The following PLXNA4 variants were observed in gnomAD, a reference collection of about 807,000 sequenced individuals.
The protein encoded by PLXNA4 is plexin-A4.
PLXNA4 carries 44 observed loss-of-function variants against 191.8 expected under a neutral mutation model. The ratio of observed to expected loss-of-function variants is 0.23; its 90% CI spans 0.18 to 0.29. The LOEUF (loss-of-function observed/expected upper bound fraction) is 0.29. Among genes scored for constraint, PLXNA4 ranks in the 10% least tolerant of loss-of-function variants. The probability of loss-of-function intolerance (pLI) is 1.00; values close to 1 mark genes in which losing one functional copy is unlikely to be tolerated. For synonymous variants in PLXNA4, 1,082 were observed against 1,009.5 expected, an observed-to-expected ratio of 1.07 and a Z score of -1.36; for missense variants, 1,800 against 2,488.8, an observed-to-expected ratio of 0.72 and a Z score of 5.89.
intron 4 of PLXNA4, among the ~76,000 whole-genome samples, chr7:132,295,544 C>T (rs1801044316): frequency 6.6e-6 from 1 of 152,142 alleles, no homozygotes; most frequent in Admixed American, 6.5e-5. Context: ...AGTCTTGATA[C>T]CCTGGGTCTG....
intron 21 of PLXNA4, among the ~76,000 whole-genome samples, chr7:132,170,848 C>T (rs1321776660): frequency 1.3e-5 from 2 of 152,262 alleles, no homozygotes; most frequent in Admixed American, 6.5e-5. Context: ...TTTCATTTCT[C>T]TCACTGTGGT....
intron 3 of PLXNA4, among the ~76,000 whole-genome samples, chr7:132,450,137 T>G (rs1280174776): frequency 6.6e-6 from 1 of 152,176 alleles, no homozygotes; most frequent in Admixed American, 6.5e-5. Context: ...ACAGAGGCCA[T>G]GCAACTTGCT....
intron 1 of PLXNA4, among the ~76,000 whole-genome samples, chr7:132,648,176 C>T (rs543534722): frequency 6.6e-6 from 1 of 152,170 alleles, no homozygotes; most frequent in East Asian, 1.9e-4. Flanking sequence ...CACACATATA[C>T]TCATGTACAC....
intron 3 of PLXNA4, among the ~76,000 whole-genome samples, chr7:132,453,399 A>G (rs771847945): frequency 2.0e-5 from 3 of 152,072 alleles, no homozygotes; most frequent in Non-Finnish European, 4.4e-5. Flanking sequence ...CCCTTTTTGG[A>G]TCCCACCCTA....
intron 4 of PLXNA4, among the ~76,000 whole-genome samples, chr7:132,246,635 C>G (rs1562989501): frequency 6.6e-6 from 1 of 152,200 alleles, no homozygotes; most frequent in Non-Finnish European, 1.5e-5. Flanking sequence ...TCCTTTCCCC[C>G]TAGATCACCT....
At chr7:132,292,569 G>A (rs1198077699) in intron 4 of PLXNA4, among the ~76,000 whole-genome samples, 1 of 152,140 alleles carries the variant, frequency 6.6e-6, no homozygotes. Context: ...TCTCAAAGAA[G>A]GGCTGCTCTT....
chr7:132,164,760 G>A (rs116565826), intron 23 of PLXNA4, among the ~76,000 whole-genome samples: 1,839 of 152,342 alleles, frequency 0.012, 34 homozygotes, highest in African/African-American at 0.042. Flanking sequence ...CTTCTGCACC[G>A]GCCGGGGGGC....
intron 5 of PLXNA4, 34 bp from the exon 6 acceptor site, chr7:132,228,503 A>T (rs1584873157): frequency 6.2e-7 from 1 of 1,612,538 alleles, no homozygotes; most frequent in East Asian, 2.2e-5. Context: ...TACTCAGGAG[A>T]TGGCCGCTTG....
chr7:132,640,386 A>G (rs1381257681), intron 2 of PLXNA4, among the ~76,000 whole-genome samples: 1 of 152,204 alleles, frequency 6.6e-6, no homozygotes, highest in Non-Finnish European at 1.5e-5. Context: ...TAATTTGTTG[A>G]GGCCCTAAGC....
At chr7:132,180,761 AC>A in intron 18 of PLXNA4, 29 bp from the exon 19 acceptor site, 1 of 1,597,308 alleles carries the variant, frequency 6.3e-7, no homozygotes. Context: ...ACCAGTTCCC[AC>A]CCCAGAGTGA....
intron 3 of PLXNA4, among the ~76,000 whole-genome samples, chr7:132,302,861 TTTC>T (rs1402006382): frequency 6.6e-6 from 1 of 152,018 alleles, no homozygotes; most frequent in African/African-American, 2.4e-5. Flanking sequence ...ACAAATTAGA[TTTC>T]TTTTTTGTTT....
In PLXNA4 at chr7:132,127,417, G is replaced by C. The variant is rs1299953894; in HGVS notation, c.*3062C>G. 6.6e-6 allele frequency: 1 copy of C among 152,114 alleles called. No homozygotes were observed. The allele number at this position is 152,114 out of a possible 1,614,324, so 9.4% of individuals were successfully genotyped here. On this transcript the variant is annotated 3_prime_UTR_variant, in exon 32 of 32. Coordinates refer to ENST00000321063, the MANE Select transcript of PLXNA4 (RefSeq NM_020911.2). ...CCCGCAAGCCACATGGACAGCCCCT[G>C]GATGTTTGCTCTGCCAGTGGGGTAA...
chr7:132,194,143 C>G lies in PLXNA4; in HGVS notation c.2775G>C (p.Gln925His), dbSNP rs1264699732. The change falls in exon 14 of 32, where the codon CAG becomes CAC. Residue 925 changes from glutamine to histidine, a missense_variant. By Grantham distance (24) the Gln-to-His change is conservative. Around this residue, in one of 6 missense-constraint regions of PLXNA4, gnomAD observed 1,397 missense variants for 1,880.4 expected, o/e 0.74. Coordinates refer to ENST00000321063, the MANE Select transcript of PLXNA4 (RefSeq NM_020911.2). Reference protein sequence around the residue: ...VCEMGEAKPSQHAGFVEICVA... With the variant: ...VCEMGEAKPSHHAGFVEICVA... ...CGCAGATCTCCACGAAGCCTGCATG[C>G]TGGCTGGGCTTGGCCTCCCCCATCT... The G allele has an allele frequency of 2.5e-6, 4 of 1,613,952 alleles. No homozygotes were observed. Among genetic ancestry groups the G allele is most frequent in the Non-Finnish European group, 3.4e-6 (4 of 1,179,868 alleles).
chr7:132,185,938 T>C (rs1796865690), intron 15 of PLXNA4, among the ~76,000 whole-genome samples: 1 of 152,236 alleles, frequency 6.6e-6, no homozygotes. Flanking sequence ...CCCATCTGTT[T>C]TCCCTGATGC....
rs559885021 is a variant in PLXNA4 at position 132,157,474 on chromosome 7, T to C, written c.4660+1999A>G. 2.6e-5 allele frequency among the ~76,000 whole-genome samples: 4 copies of C among 152,188 alleles called. No individual in the cohort carries two copies. In the South Asian group the frequency reaches 8.3e-4, roughly 31 times the overall value. On this transcript the variant is annotated intron_variant, in intron 25 of 31. Transcript: ENST00000321063. Reference sequence around the variant, plus strand: ...GATTTAAGGGACTCTCAGGACAAAGTTCACGGGGCTGCCTTCTGTGAGCCC... The same window carrying C: ...GATTTAAGGGACTCTCAGGACAAAGCTCACGGGGCTGCCTTCTGTGAGCCC...
intron 3 of PLXNA4, among the ~76,000 whole-genome samples, chr7:132,441,189 C>T (rs1033520190): frequency 6.6e-6 from 1 of 152,214 alleles, no homozygotes; most frequent in African/African-American, 2.4e-5. Context: ...AACTCTTAGT[C>T]TCTGCCTGCT....
chr7:132,405,987 G>T (rs1294872592), intron 3 of PLXNA4, among the ~76,000 whole-genome samples: 1 of 152,096 alleles, frequency 6.6e-6, no homozygotes, highest in Non-Finnish European at 1.5e-5. Context: ...TGAGTTTGTG[G>T]CCCCCTGGCT....
chr7:132,205,090 T>C (rs9649042), intron 10 of PLXNA4, among the ~76,000 whole-genome samples: 14,740 of 152,160 alleles, frequency 0.097, 1,358 homozygotes, highest in East Asian at 0.45. Flanking sequence ...GCTCACAGAG[T>C]AAAGCAAAGT....
At chr7:132,168,802 G>T (rs956091206) in intron 21 of PLXNA4, among the ~76,000 whole-genome samples, 3 of 152,214 alleles carry the variant, frequency 2.0e-5, no homozygotes, top group Non-Finnish European at 2.9e-5. Flanking sequence ...GCATCACATG[G>T]TTAGTAAATG....
Sources: gnomAD v4.1 joint callset for allele counts (sites outside exome capture counted in the v4.1 genomes callset) on GRCh38, gnomAD v4.1.1 for gene constraint, gnomAD v4.1.1 regional missense constraint, MANE v1.5 for transcripts, NCBI Gene and HGNC (gene_info 2026-07-23, HGNC 2026-07-21) for gene names.